Variants in KCNIP4 observed in about 807,000 individuals in gnomAD.
KCNIP4 encodes potassium voltage-gated channel interacting protein 4.
Under a neutral mutation model 34.0 loss-of-function variants are expected in KCNIP4, and 12 were observed. The ratio of observed to expected loss-of-function variants is 0.35; its 90% confidence interval spans 0.23 to 0.57. KCNIP4 has a LOEUF of 0.57. KCNIP4 is among the 20% of genes least tolerant of loss of function. The probability of loss-of-function intolerance (pLI) is 0.83; values close to 1 mark genes in which losing one functional copy is unlikely to be tolerated. For missense variants in KCNIP4, 238 were observed against 311.7 expected (o/e 0.76, Z 1.78); for synonymous variants, 124 against 102.2 (o/e 1.21, Z -1.29).
chr4:21,077,690 G>A (rs555691008), intron 1 of KCNIP4, among the ~76,000 whole-genome samples: 1 of 152,114 alleles, frequency 6.6e-6, no homozygotes, highest in Non-Finnish European at 1.5e-5. Context: ...GAATTAATTA[G>A]CTCATATAAT....
At chr4:21,747,327 T>C (rs1716842133) in intron 1 of KCNIP4, among the ~76,000 whole-genome samples, 1 of 152,160 alleles carries the variant, frequency 6.6e-6, no homozygotes, top group Admixed American at 6.6e-5. Context: ...TCAGCTTTTC[T>C]ACCTGAGATC....
At chr4:21,837,532 C>CAAAAAAAAAAAAAAAAAAAAAAAAAAA (rs60449238) in intron 1 of KCNIP4, among the ~76,000 whole-genome samples, 16 of 78,458 alleles carry the variant, frequency 2.0e-4, no homozygotes, top group African/African-American at 3.6e-4. Context: ...AAAACGCTGT[C>CAAAAAAAAAAAAAAAAAAAAAAAAAAA]AAAAAAAAAA....
intron 1 of KCNIP4, among the ~76,000 whole-genome samples, chr4:21,530,601 G>A (rs573120276): frequency 2.6e-5 from 4 of 152,286 alleles, no homozygotes; most frequent in Non-Finnish European, 2.9e-5. Flanking sequence ...CATAGACCAT[G>A]AGAGCTCTCA....
At chr4:21,500,826 A>G (rs1733261434) in intron 1 of KCNIP4, among the ~76,000 whole-genome samples, 1 of 152,148 alleles carries the variant, frequency 6.6e-6, no homozygotes, top group Admixed American at 6.5e-5. Context: ...ATTTTCGACT[A>G]TGGGAAGTTA....
chr4:20,738,293 A>G (rs1468872773), intron 5 of KCNIP4, among the ~76,000 whole-genome samples: 1 of 152,190 alleles, frequency 6.6e-6, no homozygotes, highest in African/African-American at 2.4e-5. Context: ...CGTAGTAATA[A>G]TATGTCATTA....
At chr4:20,939,170 T>C (rs1731380047) in intron 1 of KCNIP4, among the ~76,000 whole-genome samples, 1 of 152,102 alleles carries the variant, frequency 6.6e-6, no homozygotes, top group Non-Finnish European at 1.5e-5. Flanking sequence ...TCCTCACCTT[T>C]AAATGTAGAT....
chr4:20,784,762 C>A (rs191311373), intron 3 of KCNIP4, among the ~76,000 whole-genome samples: 1 of 152,052 alleles, frequency 6.6e-6, no homozygotes, highest in Admixed American at 6.6e-5. Flanking sequence ...GGCTCACAAT[C>A]GAGTGGAAAG....
intron 1 of KCNIP4, among the ~76,000 whole-genome samples, chr4:21,414,254 G>C (rs910311132): frequency 6.6e-6 from 1 of 152,156 alleles, no homozygotes; most frequent in African/African-American, 2.4e-5. Flanking sequence ...AGGTAATGGA[G>C]ATGTATACAT....
At chr4:21,617,978 G>A (rs1173684843) in intron 1 of KCNIP4, among the ~76,000 whole-genome samples, 1 of 152,138 alleles carries the variant, frequency 6.6e-6, no homozygotes, top group African/African-American at 2.4e-5. Flanking sequence ...TTTTACAGAA[G>A]CTAAAATATA....
At chr4:20,879,063 G>A (rs1724388397) in intron 2 of KCNIP4, among the ~76,000 whole-genome samples, 1 of 152,078 alleles carries the variant, frequency 6.6e-6, no homozygotes, top group Non-Finnish European at 1.5e-5. Flanking sequence ...TGGTGATTAG[G>A]AGACTACATC....
At chr4:21,742,621 T>C (rs1716491354) in intron 1 of KCNIP4, among the ~76,000 whole-genome samples, 1 of 152,184 alleles carries the variant, frequency 6.6e-6, no homozygotes, top group Non-Finnish European at 1.5e-5. Context: ...CAACCAGATG[T>C]ACTGGTAAAT....
intron 1 of KCNIP4, among the ~76,000 whole-genome samples, chr4:21,924,427 G>A (rs1332901356): frequency 6.6e-6 from 1 of 151,666 alleles, no homozygotes; most frequent in Non-Finnish European, 1.5e-5. Flanking sequence ...TGTATTTTTA[G>A]TAGAGACAGG....
chr4:20,732,470 G>C (rs973658793), intron 7 of KCNIP4, among the ~76,000 whole-genome samples: 5 of 152,192 alleles, frequency 3.3e-5, no homozygotes, highest in African/African-American at 9.6e-5. Context: ...GTTTAGTGTT[G>C]TATCTTGGAT....
intron 1 of KCNIP4, among the ~76,000 whole-genome samples, chr4:21,729,615 G>A (rs755190391): frequency 6.6e-6 from 1 of 152,034 alleles, no homozygotes; most frequent in Non-Finnish European, 1.5e-5. Flanking sequence ...TGAATGAAAA[G>A]AATTAATACA....
At chr4:20,821,749 T>C (rs1717137385) in intron 3 of KCNIP4, among the ~76,000 whole-genome samples, 1 of 152,214 alleles carries the variant, frequency 6.6e-6, no homozygotes, top group African/African-American at 2.4e-5. Flanking sequence ...TTGCCATTTC[T>C]GAGTTACTTT....
intron 1 of KCNIP4, among the ~76,000 whole-genome samples, chr4:21,298,593 G>A (rs1185486967): frequency 2.0e-5 from 3 of 152,102 alleles, no homozygotes; most frequent in African/African-American, 7.2e-5. Flanking sequence ...AAAACAGATC[G>A]ACTCTCAGTT....
intron 3 of KCNIP4, among the ~76,000 whole-genome samples, chr4:20,821,254 C>T (rs532733625): frequency 9.2e-5 from 14 of 152,198 alleles, no homozygotes; most frequent in African/African-American, 2.9e-4. Context: ...TTTGCCTTGT[C>T]GGGTTTAAAT....
intron 1 of KCNIP4, among the ~76,000 whole-genome samples, chr4:21,206,286 T>A (rs1321075563): frequency 1.3e-5 from 2 of 152,212 alleles, no homozygotes; most frequent in East Asian, 3.9e-4. Context: ...AATGTCAGGA[T>A]AATAAATTAT....
rs539707896 is a variant in KCNIP4 at position 21,542,299 on chromosome 4, C to G, written c.61+406272G>C. On this transcript the variant is annotated intron_variant, in intron 1 of 8. Coordinates refer to ENST00000382152, the MANE Select transcript of KCNIP4 (RefSeq NM_025221.6). ...TGGAAGAACAGGAATAGTGGATGGA[C>G]TGCTCATTTCAAAGTCAGTTAAGCC... is the stretch of plus-strand genomic sequence containing the variant. Among the ~76,000 whole-genome samples the G allele has an allele frequency of 2.2e-3, 335 of 152,192 alleles. 3 individuals carry two copies. Among genetic ancestry groups the G allele is most frequent in the Non-Finnish European group, 6.9e-4 (47 of 68,018 alleles).
Sources: allele counts gnomAD v4.1 joint callset (sites outside exome capture counted in the v4.1 genomes callset), GRCh38; gene constraint gnomAD v4.1.1; transcripts MANE v1.5; gene names NCBI Gene and HGNC (gene_info 2026-07-23, HGNC 2026-07-21).